Variants in LDLRAD4 observed in about 807,000 individuals in gnomAD.
The protein encoded by LDLRAD4 is low-density lipoprotein receptor class A domain-containing protein 4.
Under a neutral mutation model 17.0 loss-of-function variants are expected in LDLRAD4, and 5 were observed. The ratio of observed to expected loss-of-function variants is 0.29; its 90% confidence interval spans 0.15 to 0.62. LDLRAD4 has a LOEUF of 0.62. Among genes scored for constraint, LDLRAD4 ranks in the 20% least tolerant of loss-of-function variants. LDLRAD4 has a pLI of 0.84. For synonymous variants in LDLRAD4, 168 were observed against 171.8 expected (o/e 0.98, Z 0.17); for missense variants, 340 against 424.7 (o/e 0.80, Z 1.75).
At chr18:13,326,708 G>A (rs1226358784) in intron 1 of LDLRAD4, among the ~76,000 whole-genome samples, 2 of 152,104 alleles carry the variant, frequency 1.3e-5, no homozygotes, top group Non-Finnish European at 2.9e-5. Context: ...GGGGAAGAGG[G>A]CATTGCCTGG....
intron 1 of LDLRAD4, among the ~76,000 whole-genome samples, chr18:13,291,734 GT>G (rs1207085692): frequency 6.6e-6 from 1 of 152,162 alleles, no homozygotes; most frequent in East Asian, 1.9e-4. Flanking sequence ...ACGAAGCAAT[GT>G]TTCTGAGGAA....
intron 2 of LDLRAD4, among the ~76,000 whole-genome samples, chr18:13,435,885 G>C (rs2090622742): frequency 6.6e-6 from 1 of 152,234 alleles, no homozygotes; most frequent in East Asian, 1.9e-4. Context: ...GGGGAACTTT[G>C]TTATGCATGG....
intron 3 of LDLRAD4, among the ~76,000 whole-genome samples, chr18:13,597,839 T>A (rs1384407148): frequency 6.6e-6 from 1 of 152,224 alleles, no homozygotes; most frequent in Non-Finnish European, 1.5e-5. Flanking sequence ...GTTATTGTAT[T>A]TTCAATACCA....
intron 1 of LDLRAD4, among the ~76,000 whole-genome samples, chr18:13,238,419 T>C (rs1229929379): frequency 1.3e-5 from 2 of 152,266 alleles, no homozygotes; most frequent in African/African-American, 4.8e-5. Flanking sequence ...GATTGATCAG[T>C]GTCTTGAAGC....
At chr18:13,522,798 G>C (rs1301649874) in intron 3 of LDLRAD4, 1 of 152,894 alleles carries the variant, frequency 6.5e-6, no homozygotes, top group Non-Finnish European at 1.5e-5. Context: ...GTGTTTTGGG[G>C]CTTGGGGGGG....
chr18:13,579,431 C>T (rs2094825083), intron 3 of LDLRAD4, among the ~76,000 whole-genome samples: 1 of 152,254 alleles, frequency 6.6e-6, no homozygotes, highest in African/African-American at 2.4e-5. Flanking sequence ...GAAGTGACTT[C>T]CTCCTACCTT....
intron 2 of LDLRAD4, among the ~76,000 whole-genome samples, chr18:13,418,239 C>A (rs941417361): frequency 1.3e-5 from 2 of 152,304 alleles, no homozygotes; most frequent in South Asian, 4.1e-4. Flanking sequence ...TCTGTACCCC[C>A]TCCACCTGGG....
intron 3 of LDLRAD4, among the ~76,000 whole-genome samples, chr18:13,439,592 C>T (rs1237997505): frequency 2.0e-5 from 3 of 152,242 alleles, no homozygotes; most frequent in East Asian, 1.9e-4. Flanking sequence ...GCGGTAGTCT[C>T]TGTGTAATAC....
intron 3 of LDLRAD4, among the ~76,000 whole-genome samples, chr18:13,616,757 C>T (rs2040119894): frequency 6.6e-6 from 1 of 152,220 alleles, no homozygotes; most frequent in Non-Finnish European, 1.5e-5. Flanking sequence ...GGCTGAGTGC[C>T]TTCATGGCTC....
At chr18:13,574,180 T>C (rs1168210282) in intron 3 of LDLRAD4, among the ~76,000 whole-genome samples, 1 of 152,208 alleles carries the variant, frequency 6.6e-6, no homozygotes, top group African/African-American at 2.4e-5. Flanking sequence ...CATCTCACTA[T>C]TATCAAATTT....
At position 13,495,658 on chromosome 18, in the gene LDLRAD4, T is replaced by C. The variant is rs575467890; in HGVS notation, c.181+57274T>C. Among the ~76,000 whole-genome samples, 87 of 152,224 alleles carry C rather than the reference T, an allele frequency of 5.7e-4. 1 individual carries two copies. Among genetic ancestry groups the C allele is most frequent in the African/African-American group, 2.0e-3 (85 of 41,470 alleles). ...ATTGGGTCAATAACCTTTAGAGTGG[T>C]GAAGATGGCTCAGGAATAGATTAAT... On this transcript the variant is annotated intron_variant, in intron 3 of 5. Transcript: ENST00000359446.
In LDLRAD4 at chr18:13,229,185, G is replaced by A. The variant is rs556575084; in HGVS notation, c.-467+10197G>A. ...ACGGGGTGACTGCATCATCCGTGGTGTCCTTGGGACGATTCGGGTAAAGGC... is the reference window on the plus strand; with the variant it reads ...ACGGGGTGACTGCATCATCCGTGGTATCCTTGGGACGATTCGGGTAAAGGC... On this transcript the variant is annotated intron_variant, in intron 1 of 5. Coordinates refer to the LDLRAD4 transcript ENST00000399848. 5.9e-5 allele frequency among the ~76,000 whole-genome samples: 9 copies of A among 152,340 alleles called. No individual in the cohort carries two copies. In the East Asian group the frequency reaches 1.7e-3, roughly 29 times the overall value.
rs1007861985 is a variant in LDLRAD4, at chr18:13,300,581, G to A, written c.-383+22393G>A. On this transcript the variant is annotated intron_variant, in intron 1 of 5. Transcript: ENST00000359446. This position sits in a 1 kb window ranked among gnomAD's most constrained non-coding sequence, Gnocchi z 4.2. ...CCCTCTCCTTCTCCTGGCTTATTTC[G>A]GGGTGGGTGTGTGAGAATTGGCTGT... 6.6e-6 allele frequency among the ~76,000 whole-genome samples: 1 copy of A among 152,168 alleles called. No individual in the cohort carries two copies. The highest frequency in any genetic ancestry group is 2.4e-5 in the African/African-American group (1 of 41,448).
intron 1 of LDLRAD4, among the ~76,000 whole-genome samples, chr18:13,237,866 A>G (rs2042412816): frequency 6.6e-6 from 1 of 152,242 alleles, no homozygotes. Flanking sequence ...ACTGAGGTCT[A>G]GGGAATTTAG....
intron 1 of LDLRAD4, among the ~76,000 whole-genome samples, chr18:13,386,863 C>T (rs76281689): frequency 0.013 from 2,007 of 151,986 alleles, 39 homozygotes; most frequent in African/African-American, 0.046. Context: ...GGAGACCAGC[C>T]TGGGCGGCTT....
At chr18:13,509,239 A>G (rs574904910) in intron 3 of LDLRAD4, among the ~76,000 whole-genome samples, 59 of 152,346 alleles carry the variant, frequency 3.9e-4, no homozygotes, top group African/African-American at 1.4e-3. Flanking sequence ...AATTATGCCT[A>G]GGAGGTCGAG....
At chr18:13,258,698 A>C (rs1419258182) in intron 1 of LDLRAD4, among the ~76,000 whole-genome samples, 1 of 152,204 alleles carries the variant, frequency 6.6e-6, no homozygotes, top group Non-Finnish European at 1.5e-5. Context: ...TTGCCAATTG[A>C]TAAATTTCTT....
chr18:13,317,688 C>T (rs2081004315), intron 1 of LDLRAD4, among the ~76,000 whole-genome samples: 3 of 152,160 alleles, frequency 2.0e-5, no homozygotes, highest in Non-Finnish European at 1.5e-5. Flanking sequence ...ACAGTATGTG[C>T]ACTGTGATCC....
At chr18:13,334,981 A>T (rs918511522) in intron 1 of LDLRAD4, among the ~76,000 whole-genome samples, 3 of 152,166 alleles carry the variant, frequency 2.0e-5, no homozygotes, top group Admixed American at 1.3e-4. Context: ...ATTATGTTTT[A>T]TCTAAGTTAT....
Sources: gnomAD v4.1 joint callset for allele counts (sites outside exome capture counted in the v4.1 genomes callset) on GRCh38, gnomAD v4.1.1 for gene constraint, Gnocchi (gnomAD v3.1) non-coding constraint, MANE v1.5 for transcripts, NCBI Gene and HGNC (gene_info 2026-07-23, HGNC 2026-07-21) for gene names.